SNX30: variants seen among roughly 807,000 people sequenced by gnomAD.
SNX30 encodes the protein sorting nexin family member 30, also known as sorting nexin-30.
Under a neutral mutation model 46.4 loss-of-function variants are expected in SNX30, and 24 were observed. The ratio of observed to expected loss-of-function variants is 0.52; its 90% CI spans 0.37 to 0.73. The LOEUF (loss-of-function observed/expected upper bound fraction) is 0.73. Ranked by LOEUF, SNX30 falls within the 30% of genes least tolerant of loss-of-function variation. The probability of loss-of-function intolerance (pLI) is 0.00; values close to 1 mark genes in which losing one functional copy is unlikely to be tolerated. For missense variants in SNX30, 533 were observed against 555.7 expected (o/e 0.96, Z 0.41); for synonymous variants, 189 against 211.5 (o/e 0.89, Z 0.92).
intron 1 of SNX30, among the ~76,000 whole-genome samples, chr9:112,776,562 T>A (rs1468501145): frequency 1.3e-5 from 2 of 152,230 alleles, no homozygotes; most frequent in African/African-American, 4.8e-5. Context: ...CTGTTCCTCC[T>A]GCCCAGCACT....
At chr9:112,813,180 T>C (rs12553966) in intron 2 of SNX30, among the ~76,000 whole-genome samples, 10 of 151,914 alleles carry the variant, frequency 6.6e-5, no homozygotes, top group Admixed American at 6.6e-4. Context: ...CAATGTCTTA[T>C]ACCCTGGTTG....
chr9:112,773,394 C>CT (rs370347602), intron 1 of SNX30, among the ~76,000 whole-genome samples: 2,002 of 145,574 alleles, frequency 0.014, 42 homozygotes, highest in African/African-American at 0.038. Context: ...AGATTATTTG[C>CT]TTTTTTTTTT....
intron 2 of SNX30, among the ~76,000 whole-genome samples, chr9:112,815,751 T>G (rs1840387005): frequency 6.6e-6 from 1 of 152,230 alleles, no homozygotes; most frequent in African/African-American, 2.4e-5. Flanking sequence ...TTGTCACCTT[T>G]CAAAATATGT....
In SNX30 at chr9:112,828,527, A is replaced by C. The variant is rs183174196; in HGVS notation, c.460-2198A>C. ...AATTTTATTTTTTATAAAGTTAAAC[A>C]AGCTCAACGAACAGTACATGGTTTT... is the stretch of plus-strand genomic sequence containing the variant. On this transcript the variant is annotated intron_variant, in intron 3 of 8. Transcript: ENST00000374232. 3.2e-4 allele frequency among the ~76,000 whole-genome samples: 49 copies of C among 152,216 alleles called. No homozygotes were observed. The East Asian group carries it at 8.9e-3, about 28-fold the overall frequency.
At chr9:112,840,511 TCTCA>T (rs1840837844) in intron 6 of SNX30, among the ~76,000 whole-genome samples, 2 of 152,284 alleles carry the variant, frequency 1.3e-5, no homozygotes, top group East Asian at 1.9e-4. Context: ...TGAGATGGAG[TCTCA>T]CTCTGTCATC....
intron 2 of SNX30, among the ~76,000 whole-genome samples, chr9:112,806,115 T>C (rs1156998536): frequency 6.6e-6 from 1 of 152,174 alleles, no homozygotes; most frequent in Non-Finnish European, 1.5e-5. Context: ...GGCTGTCTTA[T>C]AGAGTGTTTA....
intron 1 of SNX30, among the ~76,000 whole-genome samples, chr9:112,768,231 G>C (rs1839577534): frequency 6.6e-6 from 1 of 152,138 alleles, no homozygotes; most frequent in South Asian, 2.1e-4. Context: ...TGAGCTGCCT[G>C]GAATGTCATG....
At chr9:112,775,547 TGTGTG>T (rs1314296781) in intron 1 of SNX30, among the ~76,000 whole-genome samples, 4 of 74,114 alleles carry the variant, frequency 5.4e-5, no homozygotes, top group Admixed American at 3.1e-4. Flanking sequence ...TAAATTTGTG[TGTGTG>T]TGTGTGTGTG....
chr9:112,834,979 T>C (rs1398194451), intron 4 of SNX30, among the ~76,000 whole-genome samples: 3 of 152,000 alleles, frequency 2.0e-5, no homozygotes, highest in Non-Finnish European at 4.4e-5. Context: ...TACACTCAGA[T>C]ACTATAGAGA....
chr9:112,764,360 A>C (rs150943528), intron 1 of SNX30, among the ~76,000 whole-genome samples: 58 of 152,276 alleles, frequency 3.8e-4, no homozygotes, highest in African/African-American at 1.3e-3. Flanking sequence ...GAGACCAATT[A>C]AGTGTTTGTC....
At chr9:112,764,484 C>G (rs1281043946) in intron 1 of SNX30, among the ~76,000 whole-genome samples, 1 of 152,132 alleles carries the variant, frequency 6.6e-6, no homozygotes, top group Non-Finnish European at 1.5e-5. Context: ...TTAAGCAATC[C>G]TCCTACCTCA....
chr9:112,859,444 G>A (rs375409363), intron 7 of SNX30, among the ~76,000 whole-genome samples: 13 of 152,248 alleles, frequency 8.5e-5, no homozygotes, highest in African/African-American at 3.1e-4. Context: ...CTGAGACCCT[G>A]CTTTCAATTT....
chr9:112,816,280 G>T (rs1216413251), intron 2 of SNX30, among the ~76,000 whole-genome samples: 1 of 152,202 alleles, frequency 6.6e-6, no homozygotes, highest in Non-Finnish European at 1.5e-5. Flanking sequence ...GGGGATGGGA[G>T]TATCAGGCCA....
intron 2 of SNX30, among the ~76,000 whole-genome samples, chr9:112,811,167 G>A (rs546236869): frequency 1.2e-3 from 178 of 152,362 alleles, no homozygotes; most frequent in Non-Finnish European, 2.1e-3. Flanking sequence ...GGAGCGTGAG[G>A]ATGAAAGGCT....
intron 1 of SNX30, among the ~76,000 whole-genome samples, chr9:112,793,157 A>C (rs192498089): frequency 3.1e-4 from 47 of 152,194 alleles, no homozygotes; most frequent in African/African-American, 1.1e-3. Flanking sequence ...TTTCTACTTG[A>C]TGTTGTTAGC....
chr9:112,818,386 CGCCCA>C (rs1042763768), intron 3 of SNX30, among the ~76,000 whole-genome samples: 3 of 152,034 alleles, frequency 2.0e-5, no homozygotes, highest in African/African-American at 7.3e-5. Flanking sequence ...TATGCCACCA[CGCCCA>C]GCTAGTTTTT....
intron 2 of SNX30, among the ~76,000 whole-genome samples, chr9:112,816,778 A>G (rs1840401352): frequency 6.6e-6 from 1 of 152,138 alleles, no homozygotes; most frequent in African/African-American, 2.4e-5. Context: ...ACCCATTTTT[A>G]TCTTGTACTT....
chr9:112,758,631 A>G lies in SNX30; in HGVS notation c.156+7474A>G, dbSNP rs560486061. On this transcript the variant is annotated intron_variant, in intron 1 of 8. Coordinates refer to ENST00000374232, the MANE Select transcript of SNX30 (RefSeq NM_001012994.2). ...GGTTGGTCTCGAACTCCTGAGCTCA[A>G]GCGATCTGCCCGCATCAGCCTTTCA... Among the ~76,000 whole-genome samples the G allele has an allele frequency of 1.4e-4, 22 of 152,310 alleles. 1 individual carries two copies. The highest frequency in any genetic ancestry group is 1.2e-3 in the South Asian group (6 of 4,826).
At chr9:112,798,121 CTTTTTTTTTTTT>C (rs57300324) in intron 1 of SNX30, among the ~76,000 whole-genome samples, 2 of 77,884 alleles carry the variant, frequency 2.6e-5, no homozygotes, top group Non-Finnish European at 4.8e-5. Flanking sequence ...TTTTTTTTTT[CTTTTTTTTTTTT>C]TTTTTTTATT....
Sources: gnomAD v4.1 joint callset for allele counts (sites outside exome capture counted in the v4.1 genomes callset) on GRCh38, gnomAD v4.1.1 for gene constraint, MANE v1.5 for transcripts, NCBI Gene and HGNC (gene_info 2026-07-23, HGNC 2026-07-21) for gene names.